ASTN2: variants seen among roughly 807,000 people sequenced by gnomAD.
ASTN2 encodes astrotactin 2, also known as astrotactin-2.
Under a neutral mutation model 139.8 loss-of-function variants are expected in ASTN2, and 54 were observed. The ratio of observed to expected loss-of-function variants is 0.39; its 90% confidence interval spans 0.31 to 0.48. The LOEUF is 0.48. Among genes scored for constraint, ASTN2 ranks in the 20% least tolerant of loss-of-function variants. The pLI is 0.95. For missense variants in ASTN2, 1,565 were observed against 1,725.1 expected (o/e 0.91, Z 1.64); for synonymous variants, 756 against 719.5 (o/e 1.05, Z -0.81).
At chr9:116,637,886 G>A (rs974217111) in intron 17 of ASTN2, among the ~76,000 whole-genome samples, 1 of 152,194 alleles carries the variant, frequency 6.6e-6, no homozygotes, top group Non-Finnish European at 1.5e-5. Context: ...GCTACAGTGA[G>A]CAATGATCGT....
chr9:116,475,532 G>C (rs1374745659), intron 20 of ASTN2, among the ~76,000 whole-genome samples: 2 of 152,146 alleles, frequency 1.3e-5, no homozygotes. Context: ...CTGCTCTCTG[G>C]AGTCACAGTG....
At chr9:116,805,060 C>T (rs886756510) in intron 13 of ASTN2, among the ~76,000 whole-genome samples, 3 of 144,572 alleles carry the variant, frequency 2.1e-5, no homozygotes, top group African/African-American at 7.8e-5. Context: ...CCGTCACTCA[C>T]TATTGAGTGA....
intron 1 of ASTN2, among the ~76,000 whole-genome samples, chr9:117,308,717 G>A (rs560512414): frequency 6.1e-4 from 93 of 151,964 alleles, no homozygotes; most frequent in African/African-American, 2.1e-3. Flanking sequence ...GCAAGAGGAG[G>A]AGAAAAAGGA....
chr9:116,806,450 C>G (rs1029523588), intron 12 of ASTN2, among the ~76,000 whole-genome samples: 1 of 152,148 alleles, frequency 6.6e-6, no homozygotes, highest in African/African-American at 2.4e-5. Context: ...TGACAAATCT[C>G]AGAGAGGCAT....
intron 3 of ASTN2, among the ~76,000 whole-genome samples, chr9:117,183,794 C>T (rs1831131906): frequency 6.6e-6 from 1 of 152,190 alleles, no homozygotes; most frequent in South Asian, 2.1e-4. Context: ...CATCTGAAAA[C>T]CTACATCCCC....
intron 4 of ASTN2, among the ~76,000 whole-genome samples, chr9:117,123,347 G>A (rs908734432): frequency 4.6e-5 from 7 of 151,958 alleles, no homozygotes; most frequent in African/African-American, 1.7e-4. Flanking sequence ...ACAGTTAAGA[G>A]ACTGGACTTT....
At chr9:117,136,811 C>T (rs769967036) in intron 4 of ASTN2, among the ~76,000 whole-genome samples, 6 of 152,112 alleles carry the variant, frequency 3.9e-5, no homozygotes, top group African/African-American at 7.2e-5. Context: ...GAGGGTTGAA[C>T]GTGGGACAGG....
At chr9:116,861,841 C>A (rs1832890126) in intron 11 of ASTN2, among the ~76,000 whole-genome samples, 1 of 152,216 alleles carries the variant, frequency 6.6e-6, no homozygotes, top group African/African-American at 2.4e-5. Context: ...ATCCAGCCTG[C>A]AGCTGGCCCA....
intron 13 of ASTN2, among the ~76,000 whole-genome samples, chr9:116,758,056 G>A (rs1829580582): frequency 6.6e-6 from 1 of 152,120 alleles, no homozygotes; most frequent in African/African-American, 2.4e-5. Flanking sequence ...TCAAAATCTA[G>A]TCCAGTCCCT....
intron 4 of ASTN2, among the ~76,000 whole-genome samples, chr9:117,108,301 A>G (rs892680440): frequency 2.0e-5 from 3 of 152,194 alleles, no homozygotes; most frequent in African/African-American, 7.2e-5. Flanking sequence ...TAATGGGCAG[A>G]GAACCCTCTT....
At chr9:116,589,889 T>A (rs559737029) in intron 19 of ASTN2, among the ~76,000 whole-genome samples, 2 of 152,196 alleles carry the variant, frequency 1.3e-5, no homozygotes, top group Non-Finnish European at 2.9e-5. Flanking sequence ...ACACTTCACA[T>A]GAAGAAGATC....
intron 2 of ASTN2, among the ~76,000 whole-genome samples, chr9:117,278,178 A>G (rs1439297526): frequency 2.6e-5 from 4 of 152,232 alleles, no homozygotes; most frequent in Non-Finnish European, 5.9e-5. Flanking sequence ...GAATTAATGG[A>G]AGAATTATTG....
At chr9:116,511,033 C>T (rs559565660) in intron 19 of ASTN2, among the ~76,000 whole-genome samples, 16 of 152,136 alleles carry the variant, frequency 1.1e-4, no homozygotes, top group Non-Finnish European at 1.8e-4. Flanking sequence ...GAATTTCCAA[C>T]GCTGTGTTCA....
chr9:116,856,921 A>G (rs907558312), intron 11 of ASTN2, among the ~76,000 whole-genome samples: 1 of 152,142 alleles, frequency 6.6e-6, no homozygotes, highest in Non-Finnish European at 1.5e-5. Flanking sequence ...TCACTCTAAG[A>G]CCCAGCGAGT....
intron 12 of ASTN2, among the ~76,000 whole-genome samples, chr9:116,816,054 G>A (rs1156155): frequency 0.23 from 35,526 of 151,858 alleles, 4,411 homozygotes; most frequent in East Asian, 0.48. Flanking sequence ...TTTATCTCAT[G>A]TTGAGTGACT....
chr9:116,873,962 T>G (rs1486376762), intron 10 of ASTN2, among the ~76,000 whole-genome samples: 1 of 152,168 alleles, frequency 6.6e-6, no homozygotes, highest in African/African-American at 2.4e-5. Flanking sequence ...CAATGAAACC[T>G]CTTATCTTTA....
chr9:116,835,574 A>G (rs927737706), intron 11 of ASTN2, among the ~76,000 whole-genome samples: 1 of 152,082 alleles, frequency 6.6e-6, no homozygotes, highest in Admixed American at 6.5e-5. Context: ...CTTTATCTTA[A>G]CCAGAACATC....
chr9:116,940,213 CAG>C (rs1357260521), intron 10 of ASTN2, among the ~76,000 whole-genome samples: 1 of 152,134 alleles, frequency 6.6e-6, no homozygotes, highest in African/African-American at 2.4e-5. Context: ...TCCCAAAACA[CAG>C]GGAATACAGT....
chr9:116,632,252 G>GGAAGGAAAGAAAGAAAGAAAGAAAGAAA (rs1554723352), intron 17 of ASTN2, among the ~76,000 whole-genome samples: 1 of 70,916 alleles, frequency 1.4e-5, no homozygotes, highest in African/African-American at 7.1e-5. Flanking sequence ...AAAGAAAGAA[G>GGAAGGAAAGAAAGAAAGAAAGAAAGAAA]GAAAGAAAGA....
Sources: gnomAD v4.1 joint callset for allele counts (sites outside exome capture counted in the v4.1 genomes callset) on GRCh38, gnomAD v4.1.1 for gene constraint, MANE v1.5 for transcripts, NCBI Gene and HGNC (gene_info 2026-07-23, HGNC 2026-07-21) for gene names.